The following PCDHGA3 variants were observed in gnomAD, a reference collection of about 807,000 sequenced individuals.
PCDHGA3 encodes protocadherin gamma subfamily A, 3, also known as protocadherin gamma-A3.
In PCDHGA3, 40 loss-of-function variants were observed where a neutral mutation model predicts 58.5. The observed-to-expected ratio is 0.68, with a 90% CI of 0.53 to 0.89. The LOEUF (loss-of-function observed/expected upper bound fraction) is 0.89. Among genes scored for constraint, PCDHGA3 ranks in the 40% least tolerant of loss-of-function variants. PCDHGA3 has a pLI of 0.00. For synonymous variants in PCDHGA3, 530 were observed against 525.7 expected, an observed-to-expected ratio of 1.01 and a Z score of -0.11; for missense variants, 1,223 against 1,195.9, an observed-to-expected ratio of 1.02 and a Z score of -0.33.
rs186000917 is a variant in PCDHGA3, at chr5:141,371,695, C to T, written c.2424+25238C>T. ...GACAAAGGCAATCCACCGCTCTCCT[C>T]CAGCAAGACCATCACTCTGCACATC... On this transcript the variant is annotated intron_variant, in intron 1 of 3. Transcript: ENST00000253812. The T allele has an allele frequency of 8.7e-6, 14 of 1,614,058 alleles. No individual in the cohort carries two copies. In the Admixed American group the frequency reaches 1.7e-4, roughly 19 times the overall value.
chr5:141,409,060 G>C (rs1464240645), intron 1 of PCDHGA3: 1 of 1,614,000 alleles, frequency 6.2e-7, no homozygotes, highest in Non-Finnish European at 8.5e-7. Flanking sequence ...GCACTGCCCA[G>C]AGCACAAAAC....
rs1241061038 is a variant in PCDHGA3 at position 141,394,846 on chromosome 5, T to C, written c.2424+48389T>C. ...GAAGTCCTGACCGAGTTGGGCAGTC[T>C]GAAGCCTTCGGTCGACCCGAACGAT... On this transcript the variant is annotated intron_variant, in intron 1 of 3. Coordinates refer to ENST00000253812, the MANE Select transcript of PCDHGA3 (RefSeq NM_018916.4). The C allele has an allele frequency of 1.9e-6, 3 of 1,613,732 alleles. No homozygotes were observed. In the African/African-American group the frequency reaches 4.0e-5, roughly 22 times the overall value.
intron 1 of PCDHGA3, chr5:141,412,918 G>T: frequency 2.4e-6 from 1 of 414,220 alleles, no homozygotes; most frequent in Non-Finnish European, 4.2e-6. Flanking sequence ...TATCACTTGG[G>T]TGCAGTAACT....
At chr5:141,455,360 A>C (rs2098820130) in intron 1 of PCDHGA3, among the ~76,000 whole-genome samples, 1 of 152,112 alleles carries the variant, frequency 6.6e-6, no homozygotes, top group Non-Finnish European at 1.5e-5. Context: ...TTAATAGGCA[A>C]GAAGGAAGGG....
At chr5:141,448,305 A>C (rs910461420) in intron 1 of PCDHGA3, among the ~76,000 whole-genome samples, 1 of 152,092 alleles carries the variant, frequency 6.6e-6, no homozygotes, top group East Asian at 1.9e-4. Context: ...TTAATATCTC[A>C]AGGAATCTTT....
At chr5:141,439,472 A>G (rs1185561573) in intron 1 of PCDHGA3, among the ~76,000 whole-genome samples, 3 of 152,228 alleles carry the variant, frequency 2.0e-5, no homozygotes, top group Non-Finnish European at 4.4e-5. Flanking sequence ...GCTGCCTTTC[A>G]GCTTGCAAAT....
At chr5:141,374,549 G>C in intron 1 of PCDHGA3, 1 of 1,613,404 alleles carries the variant, frequency 6.2e-7, no homozygotes, top group Non-Finnish European at 8.5e-7. Flanking sequence ...TCCACTAATG[G>C]AGGTCTATGA....
intron 1 of PCDHGA3, chr5:141,403,617 G>C: frequency 6.2e-7 from 1 of 1,613,856 alleles, no homozygotes; most frequent in Non-Finnish European, 8.5e-7. Flanking sequence ...GAGCCGCGTC[G>C]CTCCAGCACA....
chr5:141,355,585 A>G, intron 1 of PCDHGA3: 1 of 1,614,046 alleles, frequency 6.2e-7, no homozygotes, highest in Non-Finnish European at 8.5e-7. Flanking sequence ...TGTTAATGAT[A>G]ACCCACCCAG....
chr5:141,478,700 C>T (rs1171617240), intron 1 of PCDHGA3: 2 of 1,549,172 alleles, frequency 1.3e-6, no homozygotes, highest in South Asian at 1.2e-5. Flanking sequence ...AAAGTTAGTG[C>T]CTTTGTGAGA....
rs894528472 is a variant in PCDHGA3 at position 141,489,718 on chromosome 5, C to A, written c.2425-5089C>A. 6.2e-7 allele frequency: 1 copy of A among 1,614,038 alleles called. No individual in the cohort carries two copies. Among genetic ancestry groups the A allele is most frequent in the African/African-American group, 1.3e-5 (1 of 74,934 alleles). ...ATTCCCACTGGACAGTGCCCAGGATCCGGATGTGGGCACCAATACTGTGAG... is the reference window on the plus strand; with the variant it reads ...ATTCCCACTGGACAGTGCCCAGGATACGGATGTGGGCACCAATACTGTGAG... On this transcript the variant is annotated intron_variant, in intron 1 of 3. Coordinates refer to ENST00000253812, the MANE Select transcript of PCDHGA3 (RefSeq NM_018916.4). This position sits in a 1 kb window ranked among gnomAD's most constrained non-coding sequence, Gnocchi z 4.5.
At position 141,409,564 on chromosome 5, in the gene PCDHGA3, G is replaced by C. The variant is rs374234556; in HGVS notation, c.2424+63107G>C. ...ACGACAACGCCCCAGTTTTCGACCA[G>C]ACGTCCTACGTGGTCCACGTGGCCG... On this transcript the variant is annotated intron_variant, in intron 1 of 3. Coordinates refer to ENST00000253812, the MANE Select transcript of PCDHGA3 (RefSeq NM_018916.4). The C allele has an allele frequency of 4.0e-5, 64 of 1,613,870 alleles. No individual in the cohort carries two copies. Among genetic ancestry groups the C allele is most frequent in the Non-Finnish European group, 5.2e-5 (61 of 1,179,914 alleles).
intron 1 of PCDHGA3, chr5:141,375,441 C>G (rs904228732): frequency 6.2e-7 from 1 of 1,614,030 alleles, no homozygotes. Context: ...CCCACCTTCC[C>G]CCATTCATCC....
chr5:141,420,321 C>G (rs763682825), intron 1 of PCDHGA3: 2 of 1,410,974 alleles, frequency 1.4e-6, no homozygotes, highest in Non-Finnish European at 1.9e-6. Flanking sequence ...TACAATATGC[C>G]AATATATTCC....
At chr5:141,409,868 A>G in intron 1 of PCDHGA3, 2 of 1,612,688 alleles carry the variant, frequency 1.2e-6, no homozygotes, top group South Asian at 1.1e-5. Context: ...GGGAGACCGC[A>G]ATGACAACGC....
At chr5:141,356,080 T>G in intron 1 of PCDHGA3, 9 of 1,613,922 alleles carry the variant, frequency 5.6e-6, no homozygotes, top group Non-Finnish European at 7.6e-6. Flanking sequence ...GCTATTTCAG[T>G]TGAATTCTCT....
rs373591066 is a variant in PCDHGA3, at chr5:141,404,487, G to T, written c.2424+58030G>T. 8 of 1,613,840 alleles carry T rather than the reference G, an allele frequency of 5.0e-6. No homozygotes were observed. In the East Asian group the frequency reaches 1.8e-4, roughly 36 times the overall value. The stretch of plus-strand genomic sequence containing the variant: ...TATGTCTCTATTAACTCAGACACTG[G>T]TGTGCTGTATGCTCTGTGCTCCTTT... On this transcript the variant is annotated intron_variant, in intron 1 of 3. Transcript: ENST00000253812.
chr5:141,431,553 A>T lies in PCDHGA3; in HGVS notation c.2425-63254A>T, dbSNP rs762863300. On this transcript the variant is annotated intron_variant, in intron 1 of 3. Coordinates refer to ENST00000253812, the MANE Select transcript of PCDHGA3 (RefSeq NM_018916.4). The surrounding 1 kb of genome is among the most constrained non-coding windows in gnomAD (Gnocchi z 4.8). Reference sequence around the variant, plus strand: ...TTGGGCACGCAGCTGCTTGTAGTCAACGCTACCGACCCTGACGAAGGAGTC... The same window carrying T: ...TTGGGCACGCAGCTGCTTGTAGTCATCGCTACCGACCCTGACGAAGGAGTC... The T allele has an allele frequency of 1.1e-5, 18 of 1,613,994 alleles. 1 individual carries two copies. Among genetic ancestry groups the T allele is most frequent in the Non-Finnish European group, 3.4e-6 (4 of 1,180,028 alleles).
intron 1 of PCDHGA3, chr5:141,384,198 C>T (rs539882096): frequency 6.2e-7 from 1 of 1,613,734 alleles, no homozygotes; most frequent in Non-Finnish European, 8.5e-7. Context: ...CTCCCTTGTC[C>T]AGGGAAACTC....
Sources: allele counts gnomAD v4.1 joint callset (sites outside exome capture counted in the v4.1 genomes callset), GRCh38; gene constraint gnomAD v4.1.1; non-coding constraint Gnocchi (gnomAD v3.1); transcripts MANE v1.5; gene names NCBI Gene and HGNC (gene_info 2026-07-23, HGNC 2026-07-21).